RAB2A: variants seen among roughly 807,000 people sequenced by gnomAD.
RAB2A encodes the protein ras-related protein Rab-2A.
Under a neutral mutation model 32.5 loss-of-function variants are expected in RAB2A, and 7 were observed. The observed-to-expected ratio is 0.22, with a 90% confidence interval of 0.12 to 0.40. The LOEUF (loss-of-function observed/expected upper bound fraction) is 0.40, where lower values mean the gene tolerates loss of function less well. Ranked by LOEUF, RAB2A falls within the 10% of genes least tolerant of loss-of-function variation. The pLI is 1.00. For missense variants in RAB2A, 108 were observed against 260.7 expected, an observed-to-expected ratio of 0.41 and a Z score of 4.03; for synonymous variants, 79 against 85.2, an observed-to-expected ratio of 0.93 and a Z score of 0.40.
At chr8:60,528,434 A>G (rs182691490) in intron 1 of RAB2A, among the ~76,000 whole-genome samples, 10 of 152,298 alleles carry the variant, frequency 6.6e-5, no homozygotes, top group Non-Finnish European at 7.4e-5. Context: ...CCAGTGCTGT[A>G]TAGTGTCTAA....
chr8:60,609,528 A>T (rs1804300023), intron 6 of RAB2A, among the ~76,000 whole-genome samples: 1 of 152,214 alleles, frequency 6.6e-6, no homozygotes, highest in Non-Finnish European at 1.5e-5. Flanking sequence ...AGTTTGGATG[A>T]GTAAGTATGT....
intron 1 of RAB2A, among the ~76,000 whole-genome samples, chr8:60,520,875 C>T (rs1807291822): frequency 6.6e-6 from 1 of 152,208 alleles, no homozygotes; most frequent in South Asian, 2.1e-4. Flanking sequence ...TGCAGTGGCA[C>T]TATCACGGCT....
chr8:60,570,352 CTCTG>C (rs1309238207), intron 2 of RAB2A, among the ~76,000 whole-genome samples: 1 of 152,164 alleles, frequency 6.6e-6, no homozygotes, highest in African/African-American at 2.4e-5. Context: ...AAAGCCTCTA[CTCTG>C]TCTGATACCT....
At chr8:60,596,314 G>T (rs1804022868) in intron 6 of RAB2A, among the ~76,000 whole-genome samples, 1 of 152,112 alleles carries the variant, frequency 6.6e-6, no homozygotes, top group South Asian at 2.1e-4. Flanking sequence ...TAATTAAACT[G>T]AAGAACTTCT....
intron 5 of RAB2A, among the ~76,000 whole-genome samples, chr8:60,591,200 A>T (rs955066857): frequency 6.6e-6 from 1 of 151,608 alleles, no homozygotes; most frequent in African/African-American, 2.4e-5. Context: ...CCCCCCACTA[A>T]TAAAATTCTA....
intron 6 of RAB2A, among the ~76,000 whole-genome samples, chr8:60,617,107 C>A (rs1804460593): frequency 6.6e-6 from 1 of 152,108 alleles, no homozygotes; most frequent in Non-Finnish European, 1.5e-5. Context: ...GTACTGTTAT[C>A]TGTGATCTGT....
At chr8:60,571,970 AC>A in intron 2 of RAB2A, 75 bp from the exon 3 acceptor site, 1 of 1,061,218 alleles carries the variant, frequency 9.4e-7, no homozygotes, top group East Asian at 2.7e-5. Flanking sequence ...TTGGAAGTAA[AC>A]ATTCTGTTTT....
intron 1 of RAB2A, among the ~76,000 whole-genome samples, chr8:60,531,798 ATTTTT>A (rs11320293): frequency 7.7e-6 from 1 of 129,724 alleles, no homozygotes; most frequent in Non-Finnish European, 1.6e-5. Context: ...TTCTACCTTG[ATTTTT>A]TTTTTTTTTT....
At chr8:60,542,866 TC>T (rs1434644868) in intron 1 of RAB2A, among the ~76,000 whole-genome samples, 2 of 152,210 alleles carry the variant, frequency 1.3e-5, no homozygotes, top group African/African-American at 4.8e-5. Context: ...GAAAGCCACA[TC>T]CTCTTGGGAA....
chr8:60,517,394 T>C (rs984575939), intron 1 of RAB2A, 141 bp downstream of exon 1: 6 of 778,320 alleles, frequency 7.7e-6, no homozygotes, highest in Non-Finnish European at 1.1e-5. Context: ...TCCGCAGTGC[T>C]GGAGCTGGTG....
chr8:60,598,937 C>CAAAAAAAAAAAAAAAA (rs56406651), intron 6 of RAB2A, among the ~76,000 whole-genome samples: 8 of 40,384 alleles, frequency 2.0e-4, no homozygotes, highest in Non-Finnish European at 2.5e-4. Context: ...TGCAGTAAAG[C>CAAAAAAAAAAAAAAAA]AAAAAAAAAA....
chr8:60,612,476 T>G (rs1804368127), intron 6 of RAB2A, among the ~76,000 whole-genome samples: 1 of 152,206 alleles, frequency 6.6e-6, no homozygotes, highest in African/African-American at 2.4e-5. Context: ...CCAATATAAT[T>G]TCTAGCTAAA....
rs571407913 is a variant in RAB2A, at chr8:60,545,933, C to T, written c.47-12919C>T. On this transcript the variant is annotated intron_variant, in intron 1 of 7. Coordinates refer to ENST00000262646, the MANE Select transcript of RAB2A (RefSeq NM_002865.3). ...ATTATTCATTTTTCATTAAATATTTCATGAATACTAGCTCAACAGATCATT... is the reference window on the plus strand; with the variant it reads ...ATTATTCATTTTTCATTAAATATTTTATGAATACTAGCTCAACAGATCATT... Among the ~76,000 whole-genome samples the T allele has an allele frequency of 3.3e-5, 5 of 152,258 alleles. No homozygotes were observed. In the East Asian group the frequency reaches 9.6e-4, roughly 29 times the overall value.
chr8:60,593,603 G>A (rs1011302707), intron 6 of RAB2A, among the ~76,000 whole-genome samples: 1 of 152,150 alleles, frequency 6.6e-6, no homozygotes, highest in Non-Finnish European at 1.5e-5. Context: ...TTGGAGTGGA[G>A]TGAGAGGAAG....
chr8:60,535,087 C>A (rs893071140), intron 1 of RAB2A, among the ~76,000 whole-genome samples: 1 of 152,070 alleles, frequency 6.6e-6, no homozygotes, highest in African/African-American at 2.4e-5. Flanking sequence ...GAGTAGTATT[C>A]TTAAGAGATT....
At chr8:60,540,582 C>G (rs977123454) in intron 1 of RAB2A, among the ~76,000 whole-genome samples, 1 of 152,150 alleles carries the variant, frequency 6.6e-6, no homozygotes, top group Admixed American at 6.5e-5. Context: ...CAGGTTTAAG[C>G]GATTCCCGTG....
intron 5 of RAB2A, among the ~76,000 whole-genome samples, chr8:60,586,320 A>AT (rs1803846252): frequency 6.6e-6 from 1 of 151,716 alleles, no homozygotes. Flanking sequence ...AAATAGCCTA[A>AT]TTTTTTTGCC....
intron 2 of RAB2A, among the ~76,000 whole-genome samples, chr8:60,568,027 T>A (rs1371772498): frequency 1.3e-5 from 2 of 152,242 alleles, no homozygotes; most frequent in Non-Finnish European, 2.9e-5. Context: ...ACTTTTTGTA[T>A]CTAGTTTTCC....
intron 1 of RAB2A, among the ~76,000 whole-genome samples, chr8:60,544,387 G>A (rs1340770675): frequency 6.6e-6 from 1 of 151,764 alleles, no homozygotes; most frequent in East Asian, 1.9e-4. Context: ...ACTTGGTCAG[G>A]TGAGTTTAGT....
Sources: allele counts gnomAD v4.1 joint callset (sites outside exome capture counted in the v4.1 genomes callset), GRCh38; gene constraint gnomAD v4.1.1; transcripts MANE v1.5; gene names NCBI Gene and HGNC (gene_info 2026-07-23, HGNC 2026-07-21).